The following BCAS1 variants were observed in gnomAD, a reference collection of about 807,000 sequenced individuals.
BCAS1 encodes the protein breast carcinoma-amplified sequence 1.
In BCAS1, 46 loss-of-function variants were observed where a neutral mutation model predicts 65.4. The ratio of observed to expected loss-of-function variants is 0.70; its 90% CI spans 0.55 to 0.90. The LOEUF is 0.90. Among genes scored for constraint, BCAS1 ranks in the 40% least tolerant of loss-of-function variants. The pLI, the probability that BCAS1 is intolerant of heterozygous loss-of-function variation, is 0.00. For missense variants in BCAS1, 793 were observed against 771.2 expected, an observed-to-expected ratio of 1.03 and a Z score of -0.33; for synonymous variants, 298 against 293.5, an observed-to-expected ratio of 1.02 and a Z score of -0.16.
intron 4 of BCAS1, among the ~76,000 whole-genome samples, chr20:54,008,825 A>G (rs1194882871): frequency 6.7e-6 from 1 of 148,812 alleles, no homozygotes; most frequent in Non-Finnish European, 1.5e-5. Flanking sequence ...TTTTTTTTTG[A>G]GACGGAGTCT....
chr20:54,032,101 A>G (rs2091813697), intron 3 of BCAS1, among the ~76,000 whole-genome samples: 1 of 151,348 alleles, frequency 6.6e-6, no homozygotes, highest in Non-Finnish European at 1.5e-5. Context: ...CCGGTCACCT[A>G]AAAAGGGAAG....
intron 5 of BCAS1, among the ~76,000 whole-genome samples, chr20:53,995,457 C>T (rs1301627474): frequency 6.7e-6 from 1 of 150,068 alleles, no homozygotes; most frequent in Non-Finnish European, 1.5e-5. Flanking sequence ...ACATTTGGGA[C>T]AGTCTGCTTC....
rs10549414 is a variant in BCAS1 at position 53,960,497 on chromosome 20, G to A, written c.1486-3000C>T. On this transcript the variant is annotated intron_variant, in intron 10 of 12. Transcript: ENST00000688948. ...AAAAAAAAAAAAAAAAAAAAAAAAAGAGAGAGAGAGTATCTCAAACTTTTC... is the reference window on the plus strand; with the variant it reads ...AAAAAAAAAAAAAAAAAAAAAAAAAAAGAGAGAGAGTATCTCAAACTTTTC... Among the ~76,000 whole-genome samples the A allele has an allele frequency of 5.3e-3, 314 of 58,890 alleles. 14 individuals are homozygous for A. The highest frequency in any genetic ancestry group is 0.025 in the African/African-American group (248 of 9,856). The allele number at this position is 58,890 out of a possible 152,430, so 38.6% of individuals were successfully genotyped here. A position where few individuals can be genotyped will look rare whatever the true frequency, so the allele number is the denominator to read the frequency against.
At chr20:53,949,247 T>C (rs537737410) in intron 12 of BCAS1, among the ~76,000 whole-genome samples, 2 of 152,318 alleles carry the variant, frequency 1.3e-5, no homozygotes, top group Admixed American at 6.5e-5. Context: ...CATTTTCTTT[T>C]GTAAACAAAA....
At chr20:54,008,488 G>A (rs1365116717) in intron 4 of BCAS1, among the ~76,000 whole-genome samples, 2 of 152,268 alleles carry the variant, frequency 1.3e-5, no homozygotes, top group African/African-American at 2.4e-5. Context: ...GAAAACTCCC[G>A]CCTCCACCCA....
In BCAS1 at chr20:54,003,771, C is replaced by G. The variant is rs184182234; in HGVS notation, c.724-7721G>C. Among the ~76,000 whole-genome samples the G allele has an allele frequency of 1.5e-3, 229 of 152,232 alleles. 2 individuals carry two copies. Among genetic ancestry groups the G allele is most frequent in the South Asian group, 0.012 (59 of 4,818 alleles). On this transcript the variant is annotated intron_variant, in intron 4 of 12. Coordinates refer to ENST00000688948, the MANE Select transcript of BCAS1 (RefSeq NM_001366298.2). Reference sequence around the variant, plus strand: ...TCATAAAACTAAAAGCAAATAAAAGCCATGGTCTTAATAGTCTTGTTAGGT... The same window carrying G: ...TCATAAAACTAAAAGCAAATAAAAGGCATGGTCTTAATAGTCTTGTTAGGT...
chr20:53,944,749 A>C lies in BCAS1; in HGVS notation c.*173T>G. 1.5e-6 allele frequency: 1 copy of C among 674,264 alleles called. No homozygotes were observed. The highest frequency in any genetic ancestry group is 2.6e-5 in the East Asian group (1 of 39,082). 41.8% of individuals were successfully genotyped at this position (674,264 alleles called of 1,614,324 possible). On this transcript the variant is annotated 3_prime_UTR_variant, in exon 13 of 13. Transcript: ENST00000688948. ...GTTATTTGCCAGAAAAGACTGGACC[A>C]GAGACGTAAATAATACACCTCAATA...
intron 3 of BCAS1, among the ~76,000 whole-genome samples, chr20:54,046,528 C>CAAAAAA (rs71196442): frequency 5.5e-5 from 3 of 54,200 alleles, no homozygotes; most frequent in Non-Finnish European, 1.1e-4. Flanking sequence ...GACTCCATCT[C>CAAAAAA]AAAAAAAAAA....
intron 4 of BCAS1, among the ~76,000 whole-genome samples, chr20:54,018,734 G>A (rs563441873): frequency 2.8e-3 from 424 of 152,316 alleles, no homozygotes; most frequent in Non-Finnish European, 4.2e-3. Flanking sequence ...TCTGATAAGT[G>A]CTATGAAGGA....
intron 1 of BCAS1, among the ~76,000 whole-genome samples, chr20:54,061,750 A>G (rs1361622328): frequency 6.6e-6 from 1 of 152,190 alleles, no homozygotes; most frequent in Non-Finnish European, 1.5e-5. Flanking sequence ...AACATGTAGG[A>G]CACTTGTTGT....
chr20:54,017,120 A>G (rs939398626), intron 4 of BCAS1, among the ~76,000 whole-genome samples: 11 of 152,048 alleles, frequency 7.2e-5, no homozygotes, highest in Admixed American at 5.2e-4. Flanking sequence ...GGGAGGGGGG[A>G]AAGAAATCTA....
rs369126116 is a variant in BCAS1, at chr20:54,021,868, G to A, written c.723+6524C>T. On this transcript the variant is annotated intron_variant, in intron 4 of 12. Transcript: ENST00000688948. ...TCTGGGGTACACGTGCACGTCACCC[G>A]GGCTCCTGCACATCCTGCATTTGTA... Among the ~76,000 whole-genome samples, 53 of 151,824 alleles carry A rather than the reference G, an allele frequency of 3.5e-4. 2 individuals are homozygous for A. Among genetic ancestry groups the A allele is most frequent in the East Asian group, 1.9e-4 (1 of 5,188 alleles).
chr20:54,034,669 T>C (rs1266147969), intron 3 of BCAS1, among the ~76,000 whole-genome samples: 1 of 151,336 alleles, frequency 6.6e-6, no homozygotes, highest in African/African-American at 2.4e-5. Flanking sequence ...CCATGTTCAT[T>C]GATAGGAAGA....
chr20:54,031,479 ATTTC>A (rs1555875817), intron 3 of BCAS1, among the ~76,000 whole-genome samples: 7 of 151,162 alleles, frequency 4.6e-5, no homozygotes, highest in Non-Finnish European at 1.0e-4. Context: ...TGGGGCTTCT[ATTTC>A]CTTTGCTCAG....
At chr20:54,003,683 C>G (rs1302263750) in intron 4 of BCAS1, among the ~76,000 whole-genome samples, 1 of 152,174 alleles carries the variant, frequency 6.6e-6, no homozygotes, top group African/African-American at 2.4e-5. Flanking sequence ...TTTCAATCAG[C>G]CCCAGGACTC....
intron 3 of BCAS1, among the ~76,000 whole-genome samples, chr20:54,043,411 A>G (rs557631412): frequency 2.0e-4 from 30 of 152,308 alleles, no homozygotes; most frequent in South Asian, 1.9e-3. Context: ...GGAGGTTGCC[A>G]ACTATGAGGT....
At chr20:54,028,365 C>G in intron 4 of BCAS1, 27 bp downstream of exon 4, 1 of 1,613,306 alleles carries the variant, frequency 6.2e-7, no homozygotes, top group South Asian at 1.1e-5. Context: ...CATTCAGAAC[C>G]AAGTGGATAC....
At chr20:53,975,866 G>T (rs189914500) in intron 8 of BCAS1, among the ~76,000 whole-genome samples, 1 of 152,094 alleles carries the variant, frequency 6.6e-6, no homozygotes, top group Admixed American at 6.5e-5. Context: ...AGAGAAACTC[G>T]TTCAATTGTC....
chr20:54,057,272 T>C (rs1268096107), intron 3 of BCAS1, among the ~76,000 whole-genome samples: 1 of 152,240 alleles, frequency 6.6e-6, no homozygotes, highest in Non-Finnish European at 1.5e-5. Context: ...GCAGAGGCTG[T>C]GCACATTTGG....
Sources: allele counts gnomAD v4.1 joint callset (sites outside exome capture counted in the v4.1 genomes callset), GRCh38; gene constraint gnomAD v4.1.1; transcripts MANE v1.5; gene names NCBI Gene and HGNC (gene_info 2026-07-23, HGNC 2026-07-21).